The following PSMC6 variants were observed in gnomAD, a reference collection of about 807,000 sequenced individuals.
PSMC6 encodes proteasome 26S subunit, ATPase 6.
Under a neutral mutation model 55.9 loss-of-function variants are expected in PSMC6, and 3 were observed. That is an observed-to-expected ratio of 0.05 (90% CI 0.02 to 0.14). PSMC6 has a LOEUF of 0.14. Among genes scored for constraint, PSMC6 ranks in the 10% least tolerant of loss-of-function variants. The probability of loss-of-function intolerance (pLI) is 1.00; values close to 1 mark genes in which losing one functional copy is unlikely to be tolerated. For synonymous variants in PSMC6, 137 were observed against 155.9 expected (o/e 0.88, Z 0.90); for missense variants, 210 against 478.7 (o/e 0.44, Z 5.24).
At chr14:52,711,313 G>A in intron 5 of PSMC6, 97 bp from the exon 6 acceptor site, 1 of 1,276,812 alleles carries the variant, frequency 7.8e-7, no homozygotes. Flanking sequence ...TATGAGATCA[G>A]CTACAGGTGC....
chr14:52,716,625 T>C (rs1186588490), intron 7 of PSMC6, among the ~76,000 whole-genome samples: 2 of 152,148 alleles, frequency 1.3e-5, no homozygotes, highest in Non-Finnish European at 2.9e-5. Context: ...TAGTAGTTCA[T>C]GCCTGTAATC....
At chr14:52,709,327 T>G (rs551316007) in intron 4 of PSMC6, among the ~76,000 whole-genome samples, 3 of 152,354 alleles carry the variant, frequency 2.0e-5, no homozygotes, top group Admixed American at 2.0e-4. Context: ...CTGAAATCAA[T>G]TTATGTATTA....
intron 12 of PSMC6, chr14:52,723,008 G>A (rs1003971137): frequency 2.0e-5 from 3 of 152,176 alleles, no homozygotes; most frequent in African/African-American, 7.2e-5. Flanking sequence ...ATAGCTGATT[G>A]TTGAATTTCA....
chr14:52,709,965 T>C (rs942203756), intron 4 of PSMC6: 1 of 155,948 alleles, frequency 6.4e-6, no homozygotes, highest in Non-Finnish European at 1.4e-5. Flanking sequence ...TCTCCTCTTA[T>C]TTTTTCAAGT....
Position 52,708,177 on chromosome 14 carries a change from A to C in PSMC6, c.86-132A>C. ...CATTACAAACAGCATTATTTCTTTT[A>C]TGGTTTGAAACAGTGGATGTGAAAC... On this transcript the variant is annotated intron_variant, in intron 1 of 13. Coordinates refer to ENST00000445930, the MANE Select transcript of PSMC6 (RefSeq NM_002806.5). 4.2e-6 allele frequency: 3 copies of C among 714,130 alleles called. 1 individual carries two copies. The South Asian group carries it at 5.4e-5, about 13-fold the overall frequency. The allele number at this position is 714,130 out of a possible 1,614,324, so 44.2% of individuals were successfully genotyped here.
chr14:52,721,342 G>A (rs2041888134), intron 12 of PSMC6, 152 bp downstream of exon 12: 3 of 657,070 alleles, frequency 4.6e-6, no homozygotes, highest in Non-Finnish European at 7.5e-6. Context: ...TCTACTATAA[G>A]CTAGGAACCA....
At position 52,718,330 on chromosome 14, in the gene PSMC6, T is replaced by C. The variant is rs768210189; in HGVS notation, c.693T>C (p.Phe231=). 20 of 1,613,326 alleles carry C rather than the reference T, an allele frequency of 1.2e-5. No homozygotes were observed. In the South Asian group the frequency reaches 2.1e-4, roughly 17 times the overall value. Residue 231 remains phenylalanine (F), a synonymous_variant, in exon 9 of 14, where the codon TTT becomes TTC. Transcript: ENST00000445930. Reference sequence around the variant, plus strand: ...GAGATCATCAACCATGCATCATTTTTATGGATGAAATAGATGCTATTGGTA... The same window carrying C: ...GAGATCATCAACCATGCATCATTTTCATGGATGAAATAGATGCTATTGGTA... The part of the protein sequence containing the change: ...YARDHQPCII[F]MDEIDAIGGR...
Position 52,727,775 on chromosome 14 carries a change from A to C in PSMC6, c.*158A>C, listed in dbSNP as rs1432322450. On this transcript the variant is annotated 3_prime_UTR_variant, in exon 14 of 14. Transcript: ENST00000445930. Reference sequence around the variant, plus strand: ...AAATTAGTAATTCAACTTTTAAGATACAGAAGAAATTTGTATGTTTGTTAA... The same window carrying C: ...AAATTAGTAATTCAACTTTTAAGATCCAGAAGAAATTTGTATGTTTGTTAA... 1 of 501,710 alleles carries C rather than the reference A, an allele frequency of 2.0e-6. No individual in the cohort carries two copies. Among genetic ancestry groups the C allele is most frequent in the African/African-American group, 2.0e-5 (1 of 50,974 alleles). 31.1% of individuals were successfully genotyped at this position (501,710 alleles called of 1,614,324 possible).
At chr14:52,727,110 T>C (rs1880452148) in intron 13 of PSMC6, among the ~76,000 whole-genome samples, 1 of 137,046 alleles carries the variant, frequency 7.3e-6, no homozygotes, top group African/African-American at 2.7e-5. Flanking sequence ...AACCTCCGCC[T>C]CCTGGGTTCA....
chr14:52,727,852 AT>A lies in PSMC6; in HGVS notation c.*238del, dbSNP rs1880484687. 1 of 353,268 alleles carries A rather than the reference AT, an allele frequency of 2.8e-6. No individual in the cohort carries two copies. 21.9% of individuals were successfully genotyped at this position (353,268 alleles called of 1,614,324 possible). A position where few individuals can be genotyped will look rare whatever the true frequency, so the allele number is the denominator to read the frequency against. On this transcript the variant is annotated 3_prime_UTR_variant, in exon 14 of 14. Coordinates refer to ENST00000445930, the MANE Select transcript of PSMC6 (RefSeq NM_002806.5). ...AAGGGAAAGTGTTGAAGCTTTTCAT[AT>A]TTGCTGCGTGAGCATTTTGTAAAAT...
In PSMC6 at chr14:52,720,873, A is replaced by G. The variant is rs1042135398; in HGVS notation, c.790A>G (p.Met264Val). 2 of 1,594,214 alleles carry G rather than the reference A, an allele frequency of 1.3e-6. No homozygotes were observed. Among genetic ancestry groups the G allele is most frequent in the Non-Finnish European group, 8.6e-7 (1 of 1,166,644 alleles). The change falls in exon 11 of 14, where the codon ATG becomes GTG. Residue 264 changes from methionine (M) to valine (V), a missense_variant. Around this residue, in one of 4 missense-constraint regions of PSMC6, gnomAD observed 79 missense variants for 158.7 expected, o/e 0.50. Transcript: ENST00000445930. ...QRTLMELLNQ[M>V]DGFDTLHRVK... ...TTAATATTCTTAGTTACTGAATCAAATGGATGGATTTGATACTCTGCATAG... is the reference window on the plus strand; with the variant it reads ...TTAATATTCTTAGTTACTGAATCAAGTGGATGGATTTGATACTCTGCATAG...
Position 52,719,881 on chromosome 14 carries a change from G to A in PSMC6, c.777+843G>A, listed in dbSNP as rs1426853341. ...TTTATTCAAGAAAACTTTAGAAATT[G>A]AGGACAATATTTTTTATGTCTTTTA... On this transcript the variant is annotated intron_variant, in intron 10 of 13. Transcript: ENST00000445930. Among the ~76,000 whole-genome samples, 5 of 152,088 alleles carry A rather than the reference G, an allele frequency of 3.3e-5. No individual in the cohort carries two copies. In the East Asian group the frequency reaches 9.6e-4, roughly 29 times the overall value.
chr14:52,718,447 A>AAGT, intron 9 of PSMC6, 95 bp downstream of exon 9: 1 of 1,294,528 alleles, frequency 7.7e-7, no homozygotes. Context: ...GACTTGTATG[A>AAGT]AGTAGATACC....
intron 10 of PSMC6, among the ~76,000 whole-genome samples, chr14:52,720,484 T>A (rs540667423): frequency 6.6e-6 from 1 of 151,806 alleles, no homozygotes; most frequent in East Asian, 1.9e-4. Flanking sequence ...CATAAGCACT[T>A]TATATATTGG....
intron 10 of PSMC6, among the ~76,000 whole-genome samples, chr14:52,719,765 A>T (rs2041868529): frequency 1.3e-5 from 2 of 152,222 alleles, no homozygotes; most frequent in Non-Finnish European, 2.9e-5. Context: ...ACAAATACTC[A>T]TTTTATTCAA....
chr14:52,710,952 C>A, intron 4 of PSMC6, 149 bp from the exon 5 acceptor site: 1 of 605,172 alleles, frequency 1.7e-6, no homozygotes, highest in Non-Finnish European at 2.9e-6. Flanking sequence ...ATTTTATAAG[C>A]CATTTTGTTA....
chr14:52,725,420 T>C (rs750346716), intron 13 of PSMC6, among the ~76,000 whole-genome samples: 5 of 152,258 alleles, frequency 3.3e-5, no homozygotes, highest in Non-Finnish European at 7.3e-5. Context: ...CTTTTTAGAC[T>C]TGAAGGCTTT....
chr14:52,713,734 A>G, intron 6 of PSMC6, 147 bp from the exon 7 acceptor site: 1 of 462,370 alleles, frequency 2.2e-6, no homozygotes, highest in Non-Finnish European at 3.8e-6. Flanking sequence ...ACCTCTTAAT[A>G]TAAATGGTTT....
chr14:52,708,170 T>A, intron 1 of PSMC6, 139 bp from the exon 2 acceptor site: 1 of 691,462 alleles, frequency 1.4e-6, no homozygotes, highest in Non-Finnish European at 2.5e-6. Flanking sequence ...ACAGCATTAT[T>A]TCTTTTATGG....
Sources: allele counts gnomAD v4.1 joint callset (sites outside exome capture counted in the v4.1 genomes callset), GRCh38; gene constraint gnomAD v4.1.1; regional missense constraint gnomAD v4.1.1; transcripts MANE v1.5; gene names NCBI Gene and HGNC (gene_info 2026-07-23, HGNC 2026-07-21).